MEI4: variants seen among roughly 807,000 people sequenced by gnomAD.
The protein encoded by MEI4 is meiosis-specific protein MEI4.
MEI4 carries 27 observed loss-of-function variants against 31.4 expected under a neutral mutation model. The ratio of observed to expected loss-of-function variants is 0.86; its 90% CI spans 0.63 to 1.19. The LOEUF is 1.19. MEI4 is among the 50% of genes most tolerant of loss of function. The pLI is 0.00. For missense variants in MEI4, 329 were observed against 398.9 expected (o/e 0.82, Z 1.49); for synonymous variants, 122 against 145.4 (o/e 0.84, Z 1.16).
chr6:77,736,245 C>CT (rs1308615194), intron 2 of MEI4, among the ~76,000 whole-genome samples: 4 of 152,034 alleles, frequency 2.6e-5, no homozygotes, highest in African/African-American at 9.7e-5. Context: ...TTGCTGCCCC[C>CT]TTGCAGTTTG....
intron 4 of MEI4, among the ~76,000 whole-genome samples, chr6:77,846,478 T>C (rs1770490388): frequency 6.6e-6 from 1 of 152,214 alleles, no homozygotes; most frequent in South Asian, 2.1e-4. Flanking sequence ...CCCTGCTTTA[T>C]TGAATTTAGG....
At chr6:77,810,640 C>T (rs909032285) in intron 3 of MEI4, among the ~76,000 whole-genome samples, 1 of 152,144 alleles carries the variant, frequency 6.6e-6, no homozygotes, top group African/African-American at 2.4e-5. Flanking sequence ...ACTCAGACTT[C>T]ATGAGGCTTT....
chr6:77,650,707 G>T (rs576304445), upstream of MEI4, among the ~76,000 whole-genome samples: 16 of 152,342 alleles, frequency 1.1e-4, no homozygotes, highest in African/African-American at 3.6e-4. Context: ...AATATTTTCA[G>T]GTGTGTATGG....
intron 3 of MEI4, among the ~76,000 whole-genome samples, chr6:77,804,995 T>G (rs1324232168): frequency 6.6e-6 from 1 of 152,212 alleles, no homozygotes; most frequent in Non-Finnish European, 1.5e-5. Flanking sequence ...GCATATGCCA[T>G]TTTAACTATA....
chr6:77,891,783 CT>C, intron 4 of MEI4, among the ~76,000 whole-genome samples: 1 of 151,980 alleles, frequency 6.6e-6, no homozygotes, highest in African/African-American at 2.4e-5. Context: ...TAGGGAAAGA[CT>C]TTTTTATTGT....
chr6:77,748,881 G>T lies in MEI4; in HGVS notation c.233-12249G>T, dbSNP rs534030211. Among the ~76,000 whole-genome samples, 213 of 152,218 alleles carry T rather than the reference G, an allele frequency of 1.4e-3. 1 individual carries two copies. Among genetic ancestry groups the T allele is most frequent in the African/African-American group, 4.5e-3 (187 of 41,548 alleles). On this transcript the variant is annotated intron_variant, in intron 2 of 4. Coordinates refer to ENST00000684080, the MANE Select transcript of MEI4 (RefSeq NM_001322247.2). ...ATGTCATACAGGAGAGCTCTGGCTA[G>T]CATCTGGCAGATGCCCCTCTGGGAT...
At chr6:77,887,745 T>C (rs925157670) in intron 4 of MEI4, among the ~76,000 whole-genome samples, 1 of 152,252 alleles carries the variant, frequency 6.6e-6, no homozygotes, top group African/African-American at 2.4e-5. Flanking sequence ...GTATAATGTG[T>C]ATCTGCAGCT....
intron 1 of MEI4, among the ~76,000 whole-genome samples, chr6:77,676,391 G>C (rs919584586): frequency 6.6e-6 from 1 of 152,036 alleles, no homozygotes; most frequent in Non-Finnish European, 1.5e-5. Flanking sequence ...ACCAGGTATG[G>C]TGGTGCACGC....
chr6:77,768,932 C>A (rs1429032825), intron 3 of MEI4, among the ~76,000 whole-genome samples: 1 of 152,048 alleles, frequency 6.6e-6, no homozygotes, highest in Non-Finnish European at 1.5e-5. Flanking sequence ...GGAGGCAGAG[C>A]AAGATACCCA....
intron 1 of MEI4, among the ~76,000 whole-genome samples, chr6:77,684,786 A>G (rs1331512386): frequency 6.6e-6 from 1 of 152,108 alleles, no homozygotes; most frequent in Non-Finnish European, 1.5e-5. Context: ...TCCAAATCTT[A>G]GTTATTGTAA....
intron 1 of MEI4, among the ~76,000 whole-genome samples, chr6:77,684,446 T>A (rs35999709): frequency 0.29 from 43,393 of 151,838 alleles, 7,009 homozygotes; most frequent in South Asian, 0.39. Context: ...TTATTCATTC[T>A]GTCTACTTTT....
chr6:77,790,955 A>G (rs1768908062), intron 3 of MEI4, among the ~76,000 whole-genome samples: 2 of 152,338 alleles, frequency 1.3e-5, no homozygotes, highest in Non-Finnish European at 2.9e-5. Flanking sequence ...TGGCCATCAG[A>G]GAAATGCAAA....
intron 2 of MEI4, among the ~76,000 whole-genome samples, chr6:77,706,621 A>C (rs1236716847): frequency 2.0e-5 from 3 of 152,112 alleles, no homozygotes; most frequent in Non-Finnish European, 4.4e-5. Flanking sequence ...TGTGATCTTC[A>C]ATGTTGGAGG....
chr6:77,816,940 C>T (rs541626260), intron 3 of MEI4, among the ~76,000 whole-genome samples: 1 of 151,982 alleles, frequency 6.6e-6, no homozygotes, highest in Non-Finnish European at 1.5e-5. Context: ...AGACATGTAT[C>T]TGTTAAGATC....
chr6:77,862,140 G>A (rs1029308277), intron 4 of MEI4, among the ~76,000 whole-genome samples: 2 of 152,026 alleles, frequency 1.3e-5, no homozygotes, highest in African/African-American at 2.4e-5. Flanking sequence ...CCCAACGTGA[G>A]TGACGAAGAA....
intron 3 of MEI4, among the ~76,000 whole-genome samples, chr6:77,808,923 T>C (rs1000842124): frequency 2.6e-5 from 4 of 152,132 alleles, no homozygotes; most frequent in Admixed American, 6.5e-5. Context: ...TTCTGGAATG[T>C]GGGCCATTCT....
At chr6:77,710,312 A>G (rs985856840) in intron 2 of MEI4, among the ~76,000 whole-genome samples, 1 of 152,006 alleles carries the variant, frequency 6.6e-6, no homozygotes, top group Admixed American at 6.6e-5. Context: ...TCACGAGGTC[A>G]AGAGATCAAG....
At chr6:77,759,348 G>T (rs1767993158) in intron 2 of MEI4, among the ~76,000 whole-genome samples, 1 of 151,524 alleles carries the variant, frequency 6.6e-6, no homozygotes, top group African/African-American at 2.4e-5. Context: ...CTGAATGATT[G>T]TAATCATTTT....
At chr6:77,772,989 A>G (rs1262604465) in intron 3 of MEI4, among the ~76,000 whole-genome samples, 1 of 151,960 alleles carries the variant, frequency 6.6e-6, no homozygotes, top group Non-Finnish European at 1.5e-5. Context: ...AATAAAGAAG[A>G]GAAAGATGTC....
Sources: allele counts gnomAD v4.1 joint callset (sites outside exome capture counted in the v4.1 genomes callset), GRCh38; gene constraint gnomAD v4.1.1; transcripts MANE v1.5; gene names NCBI Gene and HGNC (gene_info 2026-07-23, HGNC 2026-07-21).